Variants in SCHIP1 observed in about 807,000 individuals in gnomAD.
SCHIP1 encodes the protein schwannomin interacting protein 1.
Under a neutral mutation model 29.7 loss-of-function variants are expected in SCHIP1, and 8 were observed. The ratio of observed to expected loss-of-function variants is 0.27; its 90% CI spans 0.16 to 0.49. The LOEUF (loss-of-function observed/expected upper bound fraction) is 0.49. SCHIP1 is among the 20% of genes least tolerant of loss of function. The pLI is 0.99. For missense variants in SCHIP1, 193 were observed against 294.6 expected, an observed-to-expected ratio of 0.66 and a Z score of 2.52; for synonymous variants, 76 against 94.9, an observed-to-expected ratio of 0.80 and a Z score of 1.16.
At chr3:159,521,743 C>A in the SCHIP1 span, among the ~76,000 whole-genome samples, 1 of 152,154 alleles carries the variant, frequency 6.6e-6, no homozygotes, top group African/African-American at 2.4e-5. Flanking sequence ...GTATGTTGTG[C>A]CCCTGAGTTG....
intron 4 of SCHIP1, 190 bp from the exon 6 acceptor site, chr3:159,888,630 C>T (rs951893629): frequency 1.4e-5 from 9 of 629,546 alleles, no homozygotes; most frequent in Non-Finnish European, 1.9e-5. Context: ...TGTTTTGATG[C>T]CAGTTGCATA....
chr3:159,799,349 T>C, the SCHIP1 span, among the ~76,000 whole-genome samples: 1 of 152,276 alleles, frequency 6.6e-6, no homozygotes, highest in East Asian at 1.9e-4. Flanking sequence ...CCTGGGCAAA[T>C]TACTTCACCT....
chr3:159,535,268 C>A, the SCHIP1 span, among the ~76,000 whole-genome samples: 2 of 152,174 alleles, frequency 1.3e-5, no homozygotes, highest in Non-Finnish European at 2.9e-5. Flanking sequence ...TTTCATCTCT[C>A]ATTTTCTCCA....
the SCHIP1 span, among the ~76,000 whole-genome samples, chr3:159,412,242 T>C: frequency 2.0e-5 from 3 of 152,212 alleles, no homozygotes; most frequent in Non-Finnish European, 2.9e-5. Context: ...CTGTATTCCA[T>C]CATTGTATTC....
chr3:159,862,436 C>T (rs1321784691), intron 1 of SCHIP1, among the ~76,000 whole-genome samples: 1 of 152,228 alleles, frequency 6.6e-6, no homozygotes, highest in Admixed American at 6.5e-5. Context: ...CCATCTATCA[C>T]AGACTTACAT....
At chr3:159,858,474 A>G (rs1713656428) in intron 1 of SCHIP1, among the ~76,000 whole-genome samples, 1 of 152,166 alleles carries the variant, frequency 6.6e-6, no homozygotes, top group African/African-American at 2.4e-5. Context: ...CAATCGAAAT[A>G]TTCAAGTGTT....
chr3:159,627,248 T>TC, the SCHIP1 span, among the ~76,000 whole-genome samples: 2 of 152,206 alleles, frequency 1.3e-5, no homozygotes, highest in Non-Finnish European at 2.9e-5. Flanking sequence ...CATGGACTTC[T>TC]CCACGCCACT....
the SCHIP1 span, among the ~76,000 whole-genome samples, chr3:159,719,382 T>C: frequency 1.3e-5 from 2 of 152,098 alleles, no homozygotes; most frequent in Non-Finnish European, 2.9e-5. Context: ...AATTGACAAA[T>C]GGGATCTAAT....
the SCHIP1 span, among the ~76,000 whole-genome samples, chr3:159,628,398 T>C: frequency 6.6e-6 from 1 of 152,128 alleles, no homozygotes; most frequent in South Asian, 2.1e-4. Flanking sequence ...TCATCTAAAG[T>C]TACCATGCAT....
At chr3:159,543,748 A>G in the SCHIP1 span, among the ~76,000 whole-genome samples, 14 of 152,000 alleles carry the variant, frequency 9.2e-5, no homozygotes, top group South Asian at 8.3e-4. Flanking sequence ...TGGGATGGCT[A>G]GGTCAAATGG....
the SCHIP1 span, among the ~76,000 whole-genome samples, chr3:159,447,155 T>C: frequency 6.6e-6 from 1 of 152,222 alleles, no homozygotes; most frequent in Non-Finnish European, 1.5e-5. Context: ...CTTACTGGTA[T>C]GTGACCTTAG....
the SCHIP1 span, among the ~76,000 whole-genome samples, chr3:159,585,744 A>C: frequency 6.6e-6 from 1 of 152,174 alleles, no homozygotes; most frequent in African/African-American, 2.4e-5. Flanking sequence ...TTGAATTAGC[A>C]ATCTGACCCT....
intron 1 of SCHIP1, chr3:159,853,462 G>A (rs954211993): frequency 1.4e-6 from 1 of 695,514 alleles, no homozygotes; most frequent in Non-Finnish European, 2.6e-6. Flanking sequence ...AAAAAGGTAA[G>A]GGGGGAGAGC....
At chr3:159,686,477 G>T in the SCHIP1 span, among the ~76,000 whole-genome samples, 1 of 152,132 alleles carries the variant, frequency 6.6e-6, no homozygotes, top group Non-Finnish European at 1.5e-5. Flanking sequence ...AAGAAACAAG[G>T]CACCATGAGC....
At chr3:159,360,510 G>A in the SCHIP1 span, among the ~76,000 whole-genome samples, 1 of 152,096 alleles carries the variant, frequency 6.6e-6, no homozygotes. Flanking sequence ...TGTCCAAAAT[G>A]TCATATAAAG....
At chr3:159,632,439 C>G in the SCHIP1 span, among the ~76,000 whole-genome samples, 1 of 152,138 alleles carries the variant, frequency 6.6e-6, no homozygotes, top group South Asian at 2.1e-4. Flanking sequence ...CCTGGGACTC[C>G]CTCTCCCTCA....
chr3:159,602,052 C>A, the SCHIP1 span, among the ~76,000 whole-genome samples: 1 of 152,186 alleles, frequency 6.6e-6, no homozygotes, highest in Non-Finnish European at 1.5e-5. Flanking sequence ...TTCCAAATTG[C>A]CACCCATCTG....
the SCHIP1 span, among the ~76,000 whole-genome samples, chr3:159,575,433 GTTTC>G: frequency 1.3e-5 from 2 of 151,794 alleles, no homozygotes; most frequent in Non-Finnish European, 2.9e-5. Flanking sequence ...ATTGCACACT[GTTTC>G]TTTATTATCT....
the SCHIP1 span, among the ~76,000 whole-genome samples, chr3:159,750,459 C>T: frequency 6.6e-6 from 1 of 151,894 alleles, no homozygotes; most frequent in Admixed American, 6.6e-5. Flanking sequence ...AGGTCCCCTA[C>T]AAGCAGATCC....
Sources: gnomAD v4.1 joint callset for allele counts (sites outside exome capture counted in the v4.1 genomes callset) on GRCh38, gnomAD v4.1.1 for gene constraint, MANE v1.5 for transcripts, NCBI Gene and HGNC (gene_info 2026-07-23, HGNC 2026-07-21) for gene names.